The following DST variants were observed in gnomAD, a reference collection of about 807,000 sequenced individuals.
The protein encoded by DST is bullous pemphigoid antigen.
Under a neutral mutation model 875.2 loss-of-function variants are expected in DST, and 253 were observed. The observed-to-expected ratio is 0.29, with a 90% CI of 0.26 to 0.32. The LOEUF is 0.32. Ranked by LOEUF, DST falls within the 10% of genes least tolerant of loss-of-function variation. The probability of loss-of-function intolerance (pLI) is 1.00; values close to 1 mark genes in which losing one functional copy is unlikely to be tolerated. For missense variants in DST, 8,287 were observed against 9,111.6 expected, an observed-to-expected ratio of 0.91 and a Z score of 3.68; for synonymous variants, 3,124 against 3,197.1, an observed-to-expected ratio of 0.98 and a Z score of 0.77.
chr6:56,825,563 A>G (rs1033535844), intron 4 of DST, among the ~76,000 whole-genome samples: 3 of 152,082 alleles, frequency 2.0e-5, no homozygotes, highest in Non-Finnish European at 2.9e-5. Flanking sequence ...GCAAATATCA[A>G]AAGTATTCTA....
chr6:56,616,935 C>T, intron 36 of DST: 1 of 1,605,606 alleles, frequency 6.2e-7, no homozygotes, highest in Non-Finnish European at 8.5e-7. Context: ...ATTATAAAAC[C>T]TGTTGCAGCC....
rs1443671944 is a variant in DST at position 56,603,964 on chromosome 6, G to C, written c.10664C>G (p.Ser3555Cys). The change falls in exon 40 of 104, where the codon TCT becomes TGT. Residue 3555 changes from serine (S) to cysteine (C), a missense_variant. Ser to Cys is a moderately radical substitution (Grantham distance 112). Coordinates refer to ENST00000680361, the MANE Select transcript of DST (RefSeq NM_001374736.1). The part of the protein sequence containing the change: ...ETVKEIGLES[S>C]TVWASTLPRD... ...TGGCAATGTTGATGCCCACACAGTA[G>C]AGCTTTCTAGTCCAATTTCTTTTAC... is the stretch of plus-strand genomic sequence containing the variant. 1.2e-6 allele frequency: 2 copies of C among 1,610,920 alleles called. No individual in the cohort carries two copies. Among genetic ancestry groups the C allele is most frequent in the Admixed American group, 3.4e-5 (2 of 59,572 alleles).
chr6:56,699,821 C>A, intron 8 of DST, 76 bp from the exon 9 acceptor site: 1 of 601,942 alleles, frequency 1.7e-6, no homozygotes, highest in South Asian at 2.7e-5. Flanking sequence ...TACATAAAAG[C>A]AATTCTAAAA....
At chr6:56,695,518 A>G (rs1201645171) in intron 9 of DST, among the ~76,000 whole-genome samples, 1 of 152,176 alleles carries the variant, frequency 6.6e-6, no homozygotes, top group Admixed American at 6.6e-5. Flanking sequence ...TTCAAAGCCT[A>G]TCTCTAGTAT....
At chr6:56,764,987 G>GAGGGAGGAAGGA (rs1564065588) in intron 4 of DST, among the ~76,000 whole-genome samples, 3 of 96,674 alleles carry the variant, frequency 3.1e-5, no homozygotes, top group African/African-American at 1.6e-4. Context: ...GGGAGGGAGG[G>GAGGGAGGAAGGA]AGGGAGGGAG....
intron 4 of DST, among the ~76,000 whole-genome samples, chr6:56,847,130 C>A (rs2099808050): frequency 6.6e-6 from 1 of 151,674 alleles, no homozygotes; most frequent in South Asian, 2.1e-4. Context: ...CCAGCCTGGG[C>A]AACACAATGA....
rs1411959366 is a variant in DST at position 56,646,196 on chromosome 6, G to C, written c.1555-14C>G. 1 of 1,396,340 alleles carries C rather than the reference G, an allele frequency of 7.2e-7. No individual in the cohort carries two copies. The highest frequency in any genetic ancestry group is 1.3e-5 in the South Asian group (1 of 74,406). 86.5% of individuals were successfully genotyped at this position (1,396,340 alleles called of 1,614,324 possible). A position where few individuals can be genotyped will look rare whatever the true frequency, so the allele number is the denominator to read the frequency against. ...ATTATAAAGTGCCTAAAATAAAAAG[G>C]ACAAGAAATTAAGGACCAAACTTAA... On this transcript the variant is annotated splice_polypyrimidine_tract_variant and intron_variant, in intron 13 of 103. Coordinates refer to ENST00000680361, the MANE Select transcript of DST (RefSeq NM_001374736.1).
chr6:56,643,631 C>T (rs1025065450), intron 15 of DST, among the ~76,000 whole-genome samples: 1 of 152,148 alleles, frequency 6.6e-6, no homozygotes. Context: ...CCAAAAAATT[C>T]GCATGAAGAA....
intron 13 of DST, among the ~76,000 whole-genome samples, chr6:56,646,989 G>A (rs939863905): frequency 6.6e-6 from 1 of 152,118 alleles, no homozygotes; most frequent in Non-Finnish European, 1.5e-5. Flanking sequence ...GCAATTATCT[G>A]GCATTTCCCC....
chr6:56,513,652 C>G (rs1201606876), intron 72 of DST, among the ~76,000 whole-genome samples: 1 of 152,232 alleles, frequency 6.6e-6, no homozygotes, highest in Admixed American at 6.5e-5. Context: ...GCATGAGCCA[C>G]TGTGCCTGGC....
At chr6:56,869,913 T>G (rs13195825) in intron 3 of DST, among the ~76,000 whole-genome samples, 1 of 151,934 alleles carries the variant, frequency 6.6e-6, no homozygotes, top group Non-Finnish European at 1.5e-5. Flanking sequence ...CTTGAACTCC[T>G]GAGCTCAAGC....
chr6:56,737,866 G>C (rs995348488), intron 4 of DST, among the ~76,000 whole-genome samples: 1 of 152,122 alleles, frequency 6.6e-6, no homozygotes, highest in African/African-American at 2.4e-5. Context: ...ATGTAACTAT[G>C]AGAATATAAA....
intron 2 of DST, among the ~76,000 whole-genome samples, chr6:56,944,287 C>T (rs1299052214): frequency 2.0e-5 from 3 of 151,990 alleles, no homozygotes; most frequent in African/African-American, 7.2e-5. Flanking sequence ...ATTTACTGAG[C>T]TTCACTATGT....
intron 4 of DST, among the ~76,000 whole-genome samples, chr6:56,768,186 C>T (rs1048478154): frequency 6.6e-6 from 1 of 152,034 alleles, no homozygotes; most frequent in Non-Finnish European, 1.5e-5. Context: ...AGAATATTTA[C>T]CAAGTGCTTA....
chr6:56,866,413 C>G (rs764659613), intron 3 of DST, among the ~76,000 whole-genome samples: 2 of 152,220 alleles, frequency 1.3e-5, no homozygotes, highest in African/African-American at 2.4e-5. Context: ...ATTCTCCATA[C>G]AGAAGCTAGA....
intron 49 of DST, among the ~76,000 whole-genome samples, chr6:56,586,782 C>T (rs547442285): frequency 1.2e-4 from 19 of 152,282 alleles, no homozygotes; most frequent in African/African-American, 4.6e-4. Context: ...GACACCGCTG[C>T]TGATACCCAG....
At chr6:56,885,009 C>T (rs958154237) in intron 3 of DST, among the ~76,000 whole-genome samples, 2 of 144,778 alleles carry the variant, frequency 1.4e-5, no homozygotes, top group East Asian at 1.9e-4. Flanking sequence ...GGATTACAGG[C>T]GTGAGCTGTG....
chr6:56,918,251 T>C (rs757171195), intron 2 of DST, among the ~76,000 whole-genome samples: 15 of 151,870 alleles, frequency 9.9e-5, no homozygotes, highest in Non-Finnish European at 2.1e-4. Flanking sequence ...CTCAACCTCC[T>C]GAGTAGTTAG....
At position 56,553,149 on chromosome 6, in the gene DST, T is replaced by C. The variant is rs2097348478; in HGVS notation, c.15643A>G (p.Met5215Val). The C allele has an allele frequency of 6.2e-7, 1 of 1,613,884 alleles. No homozygotes were observed. The highest frequency in any genetic ancestry group is 1.3e-5 in the African/African-American group (1 of 74,926). ...IAKLKSLQKE[M>V]DQHFGMVELL... Reference sequence around the variant, plus strand: ...TCTACCATACCAAAGTGTTGGTCCATTTCCTTCTGCAGAGACTTTAACTTG... The same window carrying C: ...TCTACCATACCAAAGTGTTGGTCCACTTCCTTCTGCAGAGACTTTAACTTG... The change falls in exon 61 of 104, where the codon ATG becomes GTG. Residue 5215 changes from methionine (M) to valine (V), a missense_variant. Physicochemically the swap from Met to Val is conservative, Grantham distance 21. Transcript: ENST00000680361.
Sources: gnomAD v4.1 joint callset for allele counts (sites outside exome capture counted in the v4.1 genomes callset) on GRCh38, gnomAD v4.1.1 for gene constraint, MANE v1.5 for transcripts, NCBI Gene and HGNC (gene_info 2026-07-23, HGNC 2026-07-21) for gene names.